Variants in NALF1 observed in about 807,000 individuals in gnomAD.
NALF1 encodes the protein NALCN channel auxiliary factor 1, also known as family with sequence similarity 155 member A.
Under a neutral mutation model 48.4 loss-of-function variants are expected in NALF1, and 3 were observed. The ratio of observed to expected loss-of-function variants is 0.06; its 90% CI spans 0.03 to 0.16. The LOEUF (loss-of-function observed/expected upper bound fraction) is 0.16, where lower values mean the gene tolerates loss of function less well. NALF1 is among the 10% of genes least tolerant of loss of function. The pLI is 1.00. For synonymous variants in NALF1, 262 were observed against 245.7 expected (o/e 1.07, Z -0.62); for missense variants, 526 against 571.5 (o/e 0.92, Z 0.81).
At chr13:107,315,864 C>T (rs1470573480) in intron 1 of NALF1, among the ~76,000 whole-genome samples, 1 of 148,050 alleles carries the variant, frequency 6.8e-6, no homozygotes, top group Non-Finnish European at 1.5e-5. Context: ...GAATTGAAGC[C>T]CAAAATATCT....
At chr13:107,459,685 A>G (rs986247899) in intron 1 of NALF1, among the ~76,000 whole-genome samples, 2 of 152,076 alleles carry the variant, frequency 1.3e-5, no homozygotes, top group Non-Finnish European at 2.9e-5. Flanking sequence ...AGTAAGTAAA[A>G]ATCCCCTGTA....
At chr13:107,483,730 T>C (rs139618950) in intron 1 of NALF1, among the ~76,000 whole-genome samples, 2 of 152,178 alleles carry the variant, frequency 1.3e-5, no homozygotes, top group Non-Finnish European at 1.5e-5. Context: ...TGAGATTTAA[T>C]CTCTTACACT....
intron 1 of NALF1, among the ~76,000 whole-genome samples, chr13:107,765,575 T>C (rs1877398322): frequency 6.6e-6 from 1 of 152,350 alleles, no homozygotes; most frequent in South Asian, 2.1e-4. Context: ...CATAACTGTA[T>C]ATGTATACAT....
intron 1 of NALF1, among the ~76,000 whole-genome samples, chr13:107,765,518 C>G (rs973910579): frequency 6.6e-6 from 1 of 152,076 alleles, no homozygotes; most frequent in African/African-American, 2.4e-5. Context: ...ATCTTGCAAG[C>G]CTACTTACAT....
At chr13:107,535,302 A>T (rs1040017026) in intron 1 of NALF1, among the ~76,000 whole-genome samples, 4 of 152,050 alleles carry the variant, frequency 2.6e-5, no homozygotes, top group Non-Finnish European at 5.9e-5. Context: ...ATTCAGTATG[A>T]TATTGGCTGT....
chr13:107,833,580 A>G (rs1293378978), intron 1 of NALF1, among the ~76,000 whole-genome samples: 2 of 152,158 alleles, frequency 1.3e-5, no homozygotes, highest in Non-Finnish European at 2.9e-5. Context: ...CTCATGTTCA[A>G]TGATCATCAT....
At chr13:107,818,557 A>G (rs1482599283) in intron 1 of NALF1, among the ~76,000 whole-genome samples, 1 of 152,098 alleles carries the variant, frequency 6.6e-6, no homozygotes, top group African/African-American at 2.4e-5. Context: ...GTCTTAACAC[A>G]TGAAATCAGA....
At chr13:107,543,058 C>G (rs1264161479) in intron 1 of NALF1, among the ~76,000 whole-genome samples, 1 of 152,000 alleles carries the variant, frequency 6.6e-6, no homozygotes, top group East Asian at 1.9e-4. Context: ...TTCATTCAGA[C>G]AGATATATTA....
intron 1 of NALF1, among the ~76,000 whole-genome samples, chr13:107,480,549 T>C (rs1293261085): frequency 1.3e-5 from 2 of 152,100 alleles, no homozygotes; most frequent in Non-Finnish European, 2.9e-5. Flanking sequence ...GGGCCACACA[T>C]AAAATATACT....
At chr13:107,671,284 A>G (rs1252458507) in intron 1 of NALF1, among the ~76,000 whole-genome samples, 1 of 152,198 alleles carries the variant, frequency 6.6e-6, no homozygotes, top group Non-Finnish European at 1.5e-5. Flanking sequence ...TCCATGATAA[A>G]GAATACAGAT....
chr13:107,590,979 T>G (rs1307540553), intron 1 of NALF1, among the ~76,000 whole-genome samples: 1 of 151,996 alleles, frequency 6.6e-6, no homozygotes, highest in Admixed American at 6.6e-5. Context: ...AAGCATTCTA[T>G]TAGAAACTCT....
rs115752427 is a variant in NALF1 at position 107,344,275 on chromosome 13, C to T, written c.916-133520G>A. On this transcript the variant is annotated intron_variant, in intron 1 of 2. Transcript: ENST00000375915. ...TATGAAACATTTAAAGAATAATTGCCAATCCTTCTCAAACTCTTCCAAAAA... is the reference window on the plus strand; with the variant it reads ...TATGAAACATTTAAAGAATAATTGCTAATCCTTCTCAAACTCTTCCAAAAA... Among the ~76,000 whole-genome samples, 439 of 152,196 alleles carry T rather than the reference C, an allele frequency of 2.9e-3. 2 individuals carry two copies. Among genetic ancestry groups the T allele is most frequent in the African/African-American group, 0.01 (426 of 41,530 alleles).
intron 1 of NALF1, among the ~76,000 whole-genome samples, chr13:107,701,664 G>C (rs3905067): frequency 0.99 from 150,337 of 152,276 alleles, 74,243 homozygotes; most frequent in East Asian, 1. Context: ...GATCTAGGTA[G>C]AACATGAGGA....
intron 1 of NALF1, among the ~76,000 whole-genome samples, chr13:107,221,046 TA>T (rs1879981057): frequency 6.6e-6 from 1 of 152,132 alleles, no homozygotes. Context: ...AAATACTGCA[TA>T]TTCTCATTTA....
chr13:107,798,139 C>A (rs1878490298), intron 1 of NALF1, among the ~76,000 whole-genome samples: 1 of 152,054 alleles, frequency 6.6e-6, no homozygotes, highest in Non-Finnish European at 1.5e-5. Flanking sequence ...TGGTTTCATT[C>A]TTTGGAATAT....
At chr13:107,773,317 A>T (rs1386834745) in intron 1 of NALF1, among the ~76,000 whole-genome samples, 2 of 152,194 alleles carry the variant, frequency 1.3e-5, no homozygotes. Flanking sequence ...CACATGATAA[A>T]TCATACTTCA....
At chr13:107,201,761 A>G (rs2138795026) in intron 2 of NALF1, among the ~76,000 whole-genome samples, 1 of 152,290 alleles carries the variant, frequency 6.6e-6, no homozygotes, top group East Asian at 1.9e-4. Flanking sequence ...GCCCACTTAC[A>G]CACAAAAAAA....
At chr13:107,387,708 A>G (rs1883553691) in intron 1 of NALF1, among the ~76,000 whole-genome samples, 1 of 152,230 alleles carries the variant, frequency 6.6e-6, no homozygotes, top group South Asian at 2.1e-4. Flanking sequence ...GACTGCATGC[A>G]AGAGAAAAGT....
chr13:107,671,874 C>G (rs1443445695), intron 1 of NALF1, among the ~76,000 whole-genome samples: 2 of 152,086 alleles, frequency 1.3e-5, no homozygotes, highest in African/African-American at 4.8e-5. Context: ...ATGTGAGTAG[C>G]TTCCTGTTGA....
Sources: allele counts gnomAD v4.1 joint callset (sites outside exome capture counted in the v4.1 genomes callset), GRCh38; gene constraint gnomAD v4.1.1; transcripts MANE v1.5; gene names NCBI Gene and HGNC (gene_info 2026-07-23, HGNC 2026-07-21).